CELSR1: variants seen among roughly 807,000 people sequenced by gnomAD.
CELSR1 encodes adhesion G protein-coupled receptor C1.
In CELSR1, 110 loss-of-function variants were observed where a neutral mutation model predicts 249.1. That is an observed-to-expected ratio of 0.44 (90% CI 0.38 to 0.52). The LOEUF is 0.52. Ranked by LOEUF, CELSR1 falls within the 20% of genes least tolerant of loss-of-function variation. The probability of loss-of-function intolerance (pLI) is 0.00; values close to 1 mark genes in which losing one functional copy is unlikely to be tolerated. For synonymous variants in CELSR1, 2,113 were observed against 1,900.0 expected, an observed-to-expected ratio of 1.11 and a Z score of -2.92; for missense variants, 4,109 against 4,296.4, an observed-to-expected ratio of 0.96 and a Z score of 1.22.
chr22:46,392,962 C>T lies in CELSR1; in HGVS notation c.5965-1146G>A, dbSNP rs779978630. ...CTATGCCACCACCGCCATCTGGTGACGTGTGGACCGACCCTGACCCAGGAG... is the reference window on the plus strand; with the variant it reads ...CTATGCCACCACCGCCATCTGGTGATGTGTGGACCGACCCTGACCCAGGAG... On this transcript the variant is annotated intron_variant, in intron 14 of 34. Transcript: ENST00000674500. Among the ~76,000 whole-genome samples the T allele has an allele frequency of 3.3e-5, 5 of 152,316 alleles. No individual in the cohort carries two copies. The East Asian group carries it at 5.8e-4, about 18-fold the overall frequency.
chr22:46,367,783 C>T lies in CELSR1; in HGVS notation c.8025G>A (p.Val2675=). Residue 2675 remains valine (V), a synonymous_variant, in exon 28 of 35, where the codon GTG becomes GTA. Transcript: ENST00000674500. The part of the protein sequence containing the change: ...SATWLLGLLA[V]NRDALSFHYL... ...AGTGAAAGCTCAGTGCATCGCGGTT[C>T]ACAGCCAGCAGCCCCAGCAGCCAGG... is the stretch of plus-strand genomic sequence containing the variant. 6.2e-7 allele frequency: 1 copy of T among 1,611,124 alleles called. No homozygotes were observed. The highest frequency in any genetic ancestry group is 2.2e-5 in the East Asian group (1 of 44,812).
intron 1 of CELSR1, among the ~76,000 whole-genome samples, chr22:46,529,802 C>CAA (rs879434750): frequency 1.1e-4 from 14 of 127,222 alleles, no homozygotes; most frequent in African/African-American, 3.5e-4. Context: ...GACTCCATCT[C>CAA]AAAAAAAAAA....
In CELSR1 at chr22:46,501,199, ATTTTTTTTT is replaced by A. The variant is rs57293109; in HGVS notation, c.3544+32419_3544+32427del. Among the ~76,000 whole-genome samples the A allele has an allele frequency of 7.2e-3, 784 of 108,552 alleles. 1 individual carries two copies. The highest frequency in any genetic ancestry group is 0.01 in the Non-Finnish European group (589 of 57,370). 71.2% of individuals were successfully genotyped at this position (108,552 alleles called of 152,430 possible). A position where few individuals can be genotyped will look rare whatever the true frequency, so the allele number is the denominator to read the frequency against. On this transcript the variant is annotated intron_variant, in intron 1 of 34. Coordinates refer to ENST00000674500, the MANE Select transcript of CELSR1 (RefSeq NM_001378328.1). ...AGGCACCCGCCATCATGCCCGGCTAATTTTTTTTTTTTTTTTTTTTTTTTTGAGACAGAG... is the reference window on the plus strand; with the variant it reads ...AGGCACCCGCCATCATGCCCGGCTAATTTTTTTTTTTTTTTTGAGACAGAG...
At chr22:46,431,550 C>T (rs2079595795) in intron 5 of CELSR1, among the ~76,000 whole-genome samples, 1 of 152,220 alleles carries the variant, frequency 6.6e-6, no homozygotes, top group Non-Finnish European at 1.5e-5. Flanking sequence ...TCCAGGGTCC[C>T]CTGTGGCCCA....
In CELSR1 at chr22:46,508,497, T is replaced by A. The variant is rs557396185; in HGVS notation, c.3544+25130A>T. On this transcript the variant is annotated intron_variant, in intron 1 of 34. Transcript: ENST00000674500. ...TCACTGTCCTCCTGCCAGAGCCCTT[T>A]GTTGCTGAGCATTTCTCACAGCCGG... Among the ~76,000 whole-genome samples, 664 of 140,758 alleles carry A rather than the reference T, an allele frequency of 4.7e-3. 9 individuals are homozygous for A. Among genetic ancestry groups the A allele is most frequent in the African/African-American group, 0.016 (625 of 37,922 alleles). 92.3% of individuals were successfully genotyped at this position (140,758 alleles called of 152,430 possible). A position where few individuals can be genotyped will look rare whatever the true frequency, so the allele number is the denominator to read the frequency against.
At position 46,471,135 on chromosome 22, in the gene CELSR1, C is replaced by T. The variant is rs1223245485; in HGVS notation, c.3545-6790G>A. 1.3e-5 allele frequency among the ~76,000 whole-genome samples: 2 copies of T among 151,782 alleles called. No individual in the cohort carries two copies. Among genetic ancestry groups the T allele is most frequent in the African/African-American group, 4.8e-5 (2 of 41,314 alleles). ...GTGAGACTCCACCTCAAAAAAACAACAACAAAAAAGGAAGGAGTTACTCTT... is the reference window on the plus strand; with the variant it reads ...GTGAGACTCCACCTCAAAAAAACAATAACAAAAAAGGAAGGAGTTACTCTT... On this transcript the variant is annotated intron_variant, in intron 1 of 34. Transcript: ENST00000674500. This position sits in a 1 kb window ranked among gnomAD's most constrained non-coding sequence, Gnocchi z 4.9.
chr22:46,536,501 C>T lies in CELSR1; in HGVS notation c.670G>A (p.Glu224Lys), dbSNP rs757874840. 2.6e-6 allele frequency: 4 copies of T among 1,545,224 alleles called. No homozygotes were observed. The highest frequency in any genetic ancestry group is 3.5e-6 in the Non-Finnish European group (4 of 1,149,920). Reference sequence around the variant, plus strand: ...CGTCGCGCCGGCCCCGCCCGGGCTTCGGGCAAGTTCGGCGGCAGGGGCGGC... The same window carrying T: ...CGTCGCGCCGGCCCCGCCCGGGCTTTGGGCAAGTTCGGCGGCAGGGGCGGC... ...PSPPLPPNLPEARAGPARRAR... is the reference protein window; with the variant it reads ...PSPPLPPNLPKARAGPARRAR... The change falls in exon 1 of 35, where the codon GAA becomes AAA. Residue 224 changes from glutamate to lysine, a missense_variant. This residue lies in a region of CELSR1 where 673 missense variants were observed against 636.8 expected (regional missense o/e 1.06). Transcript: ENST00000674500.
intron 1 of CELSR1, among the ~76,000 whole-genome samples, chr22:46,523,442 C>A (rs1042881941): frequency 6.6e-6 from 1 of 151,878 alleles, no homozygotes; most frequent in South Asian, 2.1e-4. Context: ...GCACGAGAAT[C>A]GCTTGAACTT....
Position 46,409,869 on chromosome 22 carries a change from G to C in CELSR1, c.4945C>G (p.Arg1649Gly), listed in dbSNP as rs192774188. ...NNGTREGCAA[R>G]RNFCDGRRCQ... The stretch of plus-strand genomic sequence containing the variant: ...CGCCTCCCATCGCAGAAGTTCCTCC[G>C]AGCAGCGCAGCCTGGCAACACAGAG... Residue 1649 changes from arginine to glycine, a missense_variant, in exon 8 of 35, where the codon CGG becomes GGG. This residue lies in a region of CELSR1 where 453 missense variants were observed against 492.0 expected (regional missense o/e 0.92). Coordinates refer to ENST00000674500, the MANE Select transcript of CELSR1 (RefSeq NM_001378328.1). The surrounding 1 kb of genome is among the most constrained non-coding windows in gnomAD (Gnocchi z 9.8). 9 of 1,613,182 alleles carry C rather than the reference G, an allele frequency of 5.6e-6. No homozygotes were observed. The Admixed American group carries it at 1.0e-4, about 18-fold the overall frequency.
At chr22:46,364,316 T>G (rs1306822577) in intron 33 of CELSR1, 65 bp from the exon 34 acceptor site, 11 of 1,575,596 alleles carry the variant, frequency 7.0e-6, no homozygotes, top group Admixed American at 5.6e-5. Flanking sequence ...TGCTGGGCCG[T>G]GTGCAGCTGA....
intron 1 of CELSR1, among the ~76,000 whole-genome samples, chr22:46,514,293 C>T (rs2080604309): frequency 6.6e-6 from 1 of 152,190 alleles, no homozygotes; most frequent in African/African-American, 2.4e-5. Context: ...AGCGAGACTA[C>T]TCACAATGGA....
At chr22:46,400,655 T>C (rs1305570353) in intron 9 of CELSR1, among the ~76,000 whole-genome samples, 1 of 151,526 alleles carries the variant, frequency 6.6e-6, no homozygotes, top group African/African-American at 2.4e-5. Flanking sequence ...ATAATAATCA[T>C]CATTAGACAA....
chr22:46,390,598 T>C lies in CELSR1; in HGVS notation c.6251-112A>G, dbSNP rs547144712. ...TAAACCCAGAACACTGCGTGGTGGTTAGAACCCCATGGGGGCCAGGAGGTC... is the reference window on the plus strand; with the variant it reads ...TAAACCCAGAACACTGCGTGGTGGTCAGAACCCCATGGGGGCCAGGAGGTC... On this transcript the variant is annotated intron_variant, in intron 16 of 34. Transcript: ENST00000674500. This position sits in a 1 kb window ranked among gnomAD's most constrained non-coding sequence, Gnocchi z 6.3. 7.4e-5 allele frequency: 63 copies of C among 848,862 alleles called. 1 individual carries two copies. In the South Asian group the frequency reaches 1.1e-3, roughly 14 times the overall value. The allele number at this position is 848,862 out of a possible 1,614,324, so 52.6% of individuals were successfully genotyped here.
chr22:46,453,427 G>A (rs192926787), intron 2 of CELSR1, among the ~76,000 whole-genome samples: 2 of 152,284 alleles, frequency 1.3e-5, no homozygotes, highest in Admixed American at 6.5e-5. Flanking sequence ...AAATGAGCAC[G>A]AATTCTTAAT....
intron 24 of CELSR1, among the ~76,000 whole-genome samples, chr22:46,375,183 A>G (rs549699369): frequency 8.1e-4 from 123 of 152,232 alleles, no homozygotes; most frequent in Non-Finnish European, 1.4e-3. Context: ...TGGTCTTTTT[A>G]TTCCGTTTCC....
intron 1 of CELSR1, among the ~76,000 whole-genome samples, chr22:46,495,306 G>C (rs1158350837): frequency 6.6e-6 from 1 of 152,176 alleles, no homozygotes; most frequent in African/African-American, 2.4e-5. Flanking sequence ...TAATACAAAG[G>C]CAAATATTTG....
Position 46,366,417 on chromosome 22 carries a change from C to T in CELSR1, c.8269G>A (p.Glu2757Lys), listed in dbSNP as rs146465806. 1.7e-4 allele frequency: 268 copies of T among 1,549,854 alleles called. No homozygotes were observed. The highest frequency in any genetic ancestry group is 2.2e-4 in the Non-Finnish European group (256 of 1,146,608). Residue 2757 changes from glutamate to lysine, a missense_variant, in exon 30 of 35, where the codon GAG (glutamate) becomes AAG (lysine). This residue lies in a region of CELSR1 where 1,805 missense variants were observed against 1,831.6 expected (regional missense o/e 0.99). Coordinates refer to ENST00000674500, the MANE Select transcript of CELSR1 (RefSeq NM_001378328.1). ...ATGCTGTCCAGCGAGGCGGTGGACT[C>T]GCCCAAGTCTGTGCGCAGCATGTCA... ...GPDMLRTDLG[E>K]STASLDSIVR...
intron 1 of CELSR1, chr22:46,481,525 TC>T: frequency 7.3e-7 from 1 of 1,369,602 alleles, no homozygotes; most frequent in Non-Finnish European, 1.0e-6. Flanking sequence ...CTGGAACTTC[TC>T]CAGCTCACTG....
intron 27 of CELSR1, 99 bp from the exon 28 acceptor site, chr22:46,367,954 G>A (rs575547909): frequency 1.4e-6 from 2 of 1,443,086 alleles, no homozygotes; most frequent in Non-Finnish European, 9.3e-7. Flanking sequence ...CTGCCCGTCC[G>A]CCCATCTATC....
Sources: allele counts gnomAD v4.1 joint callset (sites outside exome capture counted in the v4.1 genomes callset), GRCh38; gene constraint gnomAD v4.1.1; regional missense constraint gnomAD v4.1.1; non-coding constraint Gnocchi (gnomAD v3.1); transcripts MANE v1.5; gene names NCBI Gene and HGNC (gene_info 2026-07-23, HGNC 2026-07-21).